Variants in SNAP25 observed in about 807,000 individuals in gnomAD.
The protein encoded by SNAP25 is synaptosomal-associated protein 25.
SNAP25 carries 3 observed loss-of-function variants against 28.7 expected under a neutral mutation model. The ratio of observed to expected loss-of-function variants is 0.10; its 90% CI spans 0.05 to 0.27. SNAP25 has a LOEUF of 0.27. SNAP25 is among the 10% of genes least tolerant of loss of function. SNAP25 has a pLI of 1.00. For synonymous variants in SNAP25, 61 were observed against 88.1 expected (o/e 0.69, Z 1.72); for missense variants, 117 against 278.7 (o/e 0.42, Z 4.13).
chr20:10,231,275 G>A (rs1225928920), intron 1 of SNAP25, among the ~76,000 whole-genome samples: 1 of 152,154 alleles, frequency 6.6e-6, no homozygotes, highest in South Asian at 2.1e-4. Context: ...GGATCCTGAT[G>A]TCTTACATTG....
At chr20:10,248,425 A>G (rs10460637) in intron 1 of SNAP25, among the ~76,000 whole-genome samples, 1 of 152,246 alleles carries the variant, frequency 6.6e-6, no homozygotes, top group African/African-American at 2.4e-5. Flanking sequence ...AATATAATTA[A>G]CCATAATCTC....
chr20:10,278,418 T>G (rs2063726592), intron 3 of SNAP25, among the ~76,000 whole-genome samples: 1 of 152,178 alleles, frequency 6.6e-6, no homozygotes, highest in South Asian at 2.1e-4. Flanking sequence ...ATCATAAACC[T>G]CACTCATTCC....
At chr20:10,254,466 T>C (rs1017150215) in intron 1 of SNAP25, among the ~76,000 whole-genome samples, 1 of 152,192 alleles carries the variant, frequency 6.6e-6, no homozygotes, top group Non-Finnish European at 1.5e-5. Context: ...TCCCTTTACA[T>C]AGACTCTTAG....
At chr20:10,291,473 G>A (rs1357041979) in intron 4 of SNAP25, among the ~76,000 whole-genome samples, 2 of 152,124 alleles carry the variant, frequency 1.3e-5, no homozygotes, top group Non-Finnish European at 2.9e-5. Context: ...GGTATTCAAT[G>A]CTGGATAAAC....
chr20:10,259,328 C>A (rs1336843600), intron 1 of SNAP25, among the ~76,000 whole-genome samples: 3 of 152,246 alleles, frequency 2.0e-5, no homozygotes, highest in African/African-American at 7.2e-5. Context: ...AGTTTGCTGG[C>A]TTAGGAAATG....
chr20:10,262,633 T>A (rs968105271), intron 1 of SNAP25, among the ~76,000 whole-genome samples: 1 of 152,290 alleles, frequency 6.6e-6, no homozygotes, highest in South Asian at 2.1e-4. Flanking sequence ...TCGGTTGGAT[T>A]CCTCAGAAGC....
intron 1 of SNAP25, among the ~76,000 whole-genome samples, chr20:10,232,364 G>A (rs765950088): frequency 1.1e-4 from 16 of 152,182 alleles, no homozygotes; most frequent in Non-Finnish European, 1.9e-4. Context: ...TTCCATGCTG[G>A]AACCACACAG....
At chr20:10,286,585 G>A (rs1431183749) in intron 4 of SNAP25, among the ~76,000 whole-genome samples, 1 of 152,166 alleles carries the variant, frequency 6.6e-6, no homozygotes, top group Non-Finnish European at 1.5e-5. Context: ...AGCATCCCAG[G>A]AAGAGCCTGG....
chr20:10,257,640 G>A (rs1266074519), intron 1 of SNAP25, among the ~76,000 whole-genome samples: 15 of 151,208 alleles, frequency 9.9e-5, no homozygotes, highest in African/African-American at 3.2e-4. Flanking sequence ...GAACCCAGGA[G>A]GCAGAGGTTG....
chr20:10,279,314 T>G (rs1402340782), intron 3 of SNAP25, among the ~76,000 whole-genome samples: 1 of 152,248 alleles, frequency 6.6e-6, no homozygotes, highest in Non-Finnish European at 1.5e-5. Flanking sequence ...ACTGAGATAT[T>G]TATTTGATTG....
chr20:10,294,576 G>A (rs1286354262), intron 5 of SNAP25, among the ~76,000 whole-genome samples: 2 of 152,094 alleles, frequency 1.3e-5, no homozygotes, highest in East Asian at 1.9e-4. Context: ...CCACATCTAT[G>A]AGGACCAAAC....
At chr20:10,282,530 T>C (rs1320500509) in intron 3 of SNAP25, among the ~76,000 whole-genome samples, 6 of 152,204 alleles carry the variant, frequency 3.9e-5, no homozygotes, top group Non-Finnish European at 8.8e-5. Context: ...CAGCACCAAA[T>C]TGGACAAATG....
chr20:10,294,705 C>G (rs2064070805), intron 5 of SNAP25, among the ~76,000 whole-genome samples: 1 of 151,212 alleles, frequency 6.6e-6, no homozygotes, highest in African/African-American at 2.4e-5. Flanking sequence ...GCTCAGGAGT[C>G]TAGCAAAGAT....
Position 10,238,905 on chromosome 20 carries a change from A to AAATAATAATAATAATAATAATAAT in SNAP25, c.-64+19930_-64+19953dup, listed in dbSNP as rs199598399. Among the ~76,000 whole-genome samples, 722 of 149,378 alleles carry AAATAATAATAATAATAATAATAAT rather than the reference A, an allele frequency of 4.8e-3. 2 individuals carry two copies. Among genetic ancestry groups the AAATAATAATAATAATAATAATAAT allele is most frequent in the African/African-American group, 0.016 (640 of 39,676 alleles). ...GGGCGACAGAGCAAGACTCCGTTTC[A>AAATAATAATAATAATAATAATAAT]AATAATAATAATAATAATAATAATA... On this transcript the variant is annotated intron_variant, in intron 1 of 7. Coordinates refer to ENST00000254976, the MANE Select transcript of SNAP25 (RefSeq NM_130811.4).
chr20:10,255,164 C>T (rs891328562), intron 1 of SNAP25, among the ~76,000 whole-genome samples: 4 of 152,138 alleles, frequency 2.6e-5, no homozygotes, highest in African/African-American at 9.7e-5. Context: ...TCCAAGTGGG[C>T]CCACGGATAA....
At chr20:10,225,201 C>T (rs971667852) in intron 1 of SNAP25, among the ~76,000 whole-genome samples, 5 of 150,732 alleles carry the variant, frequency 3.3e-5, no homozygotes, top group African/African-American at 9.7e-5. Context: ...AATTCATAGT[C>T]ACACATCAAA....
At chr20:10,302,465 A>G (rs2064263114) in intron 7 of SNAP25, among the ~76,000 whole-genome samples, 1 of 152,194 alleles carries the variant, frequency 6.6e-6, no homozygotes, top group African/African-American at 2.4e-5. Flanking sequence ...TAGGATCAGA[A>G]CAGGCTGGAA....
At chr20:10,219,867 C>T (rs533619213) in intron 1 of SNAP25, 2 of 152,418 alleles carry the variant, frequency 1.3e-5, no homozygotes, top group East Asian at 3.9e-4. Flanking sequence ...ACAGAGACTC[C>T]TTTGCAGACA....
In SNAP25 at chr20:10,275,454, C is replaced by A. The variant is rs11547875; in HGVS notation, c.-38C>A. The A allele has an allele frequency of 2.6e-6, 4 of 1,568,122 alleles. No individual in the cohort carries two copies. Among genetic ancestry groups the A allele is most frequent in the Non-Finnish European group, 3.5e-6 (4 of 1,154,580 alleles). ...GTCCAGAGCCAAACCCGTCACTGAC[C>A]CCCCAGCCCAGGCGCCCAGCCACTC... On this transcript the variant is annotated 5_prime_UTR_variant, in exon 2 of 8. Coordinates refer to ENST00000254976, the MANE Select transcript of SNAP25 (RefSeq NM_130811.4).
Sources: gnomAD v4.1 joint callset for allele counts (sites outside exome capture counted in the v4.1 genomes callset) on GRCh38, gnomAD v4.1.1 for gene constraint, MANE v1.5 for transcripts, NCBI Gene and HGNC (gene_info 2026-07-23, HGNC 2026-07-21) for gene names.